CMC1: variants seen among roughly 807,000 people sequenced by gnomAD.
The protein encoded by CMC1 is COX assembly mitochondrial protein homolog.
A neutral mutation model predicts 14.1 loss-of-function variants in CMC1; 14 were observed. That is an observed-to-expected ratio of 0.99 (90% CI 0.66 to 1.55). The LOEUF (loss-of-function observed/expected upper bound fraction) is 1.55. CMC1 is among the 40% of genes most tolerant of loss of function. The pLI, the probability that CMC1 is intolerant of heterozygous loss-of-function variation, is 0.00. For missense variants in CMC1, 127 were observed against 123.8 expected (o/e 1.03, Z -0.12); for synonymous variants, 50 against 38.4 (o/e 1.30, Z -1.12).
At chr3:28,261,539 G>A (rs4502545) in intron 1 of CMC1, among the ~76,000 whole-genome samples, 24,250 of 152,098 alleles carry the variant, frequency 0.16, 2,537 homozygotes, top group East Asian at 0.47. Context: ...TTTGTAGCTG[G>A]TGGGACTCTA....
intron 1 of CMC1, among the ~76,000 whole-genome samples, chr3:28,260,894 A>G (rs1399793594): frequency 6.6e-6 from 1 of 152,140 alleles, no homozygotes; most frequent in African/African-American, 2.4e-5. Context: ...ATATTTGGCG[A>G]TTATCCGGAG....
intron 2 of CMC1, among the ~76,000 whole-genome samples, chr3:28,271,349 C>T (rs1033067874): frequency 6.6e-6 from 1 of 152,138 alleles, no homozygotes; most frequent in Non-Finnish European, 1.5e-5. Flanking sequence ...ATCCACCCAC[C>T]TCAGCCTCCC....
At chr3:28,291,912 A>C in intron 2 of CMC1, 1 of 152,034 alleles carries the variant, frequency 6.6e-6, no homozygotes, top group Admixed American at 6.6e-5. Context: ...GAAAAATGGC[A>C]TACCCTGGTG....
intron 2 of CMC1, among the ~76,000 whole-genome samples, chr3:28,278,407 T>A (rs1241116598): frequency 3.3e-5 from 5 of 152,182 alleles, no homozygotes; most frequent in African/African-American, 4.8e-5. Context: ...ATCTCTCTTA[T>A]AAAGGGAAAC....
intron 1 of CMC1, among the ~76,000 whole-genome samples, chr3:28,255,720 CAT>C (rs1298575920): frequency 2.2e-5 from 3 of 133,574 alleles, no homozygotes; most frequent in Non-Finnish European, 3.1e-5. Context: ...TATACATGTA[CAT>C]ACACACACAC....
At chr3:28,249,491 G>A (rs1699014601) in intron 1 of CMC1, among the ~76,000 whole-genome samples, 2 of 152,190 alleles carry the variant, frequency 1.3e-5, no homozygotes, top group African/African-American at 4.8e-5. Flanking sequence ...TGAGTTAGAC[G>A]TGGTCTCTGA....
intron 2 of CMC1, among the ~76,000 whole-genome samples, chr3:28,294,693 TA>T (rs1336445903): frequency 6.6e-6 from 1 of 152,110 alleles, no homozygotes. Context: ...TTTTATGAAT[TA>T]AAAAAATCTT....
chr3:28,245,602 C>T (rs909008049), intron 1 of CMC1, among the ~76,000 whole-genome samples: 56 of 151,874 alleles, frequency 3.7e-4, no homozygotes, highest in Non-Finnish European at 1.6e-4. Flanking sequence ...TGTTTTTTTC[C>T]GGGAACTTAA....
In CMC1 at chr3:28,324,406, T is replaced by G; in HGVS notation, c.*4777T>G. On this transcript the variant is annotated 3_prime_UTR_variant, in exon 4 of 4. Coordinates refer to ENST00000466830, the MANE Select transcript of CMC1 (RefSeq NM_182523.2). ...TGCAGTAAAATTCATCAAGTGCAGT[T>G]TTGTGCTGTCTCTTCCAAGGTCTTC... 1 of 1,545,358 alleles carries G rather than the reference T, an allele frequency of 6.5e-7. No homozygotes were observed. Among genetic ancestry groups the G allele is most frequent in the Non-Finnish European group, 8.7e-7 (1 of 1,145,166 alleles).
At chr3:28,271,744 A>G (rs112564049) in intron 2 of CMC1, among the ~76,000 whole-genome samples, 39 of 152,222 alleles carry the variant, frequency 2.6e-4, no homozygotes, top group African/African-American at 8.4e-4. Context: ...AATTTTTCCA[A>G]TTCCGAATTC....
At chr3:28,317,806 A>G (rs2125617185) in intron 3 of CMC1, 1 of 152,190 alleles carries the variant, frequency 6.6e-6, no homozygotes, top group Non-Finnish European at 1.5e-5. Flanking sequence ...CACATTTACC[A>G]TGATAGGTAT....
chr3:28,308,643 G>T (rs1339673087), intron 2 of CMC1, among the ~76,000 whole-genome samples: 4 of 152,154 alleles, frequency 2.6e-5, no homozygotes, highest in African/African-American at 9.7e-5. Flanking sequence ...CTCTAAGAAA[G>T]AATAAAGTCT....
At chr3:28,300,923 G>A (rs1219148747) in intron 2 of CMC1, among the ~76,000 whole-genome samples, 2 of 75,468 alleles carry the variant, frequency 2.7e-5, no homozygotes, top group African/African-American at 5.7e-5. Context: ...ATACCCCCCC[G>A]ACGTGTACAC....
chr3:28,242,695 T>A (rs1559393137), intron 1 of CMC1, among the ~76,000 whole-genome samples: 1 of 152,198 alleles, frequency 6.6e-6, no homozygotes, highest in Non-Finnish European at 1.5e-5. Flanking sequence ...AGCTCCATTT[T>A]ACAGATTAGG....
chr3:28,268,489 G>A (rs1700117555), intron 2 of CMC1, among the ~76,000 whole-genome samples: 1 of 152,072 alleles, frequency 6.6e-6, no homozygotes, highest in Non-Finnish European at 1.5e-5. Flanking sequence ...TAAAACATTT[G>A]GGAACCCTCT....
chr3:28,304,149 G>C (rs569569512), intron 2 of CMC1, among the ~76,000 whole-genome samples: 1 of 152,060 alleles, frequency 6.6e-6, no homozygotes, highest in South Asian at 2.1e-4. Context: ...TTATGCAGTC[G>C]CATTAGCCAC....
In CMC1 at chr3:28,324,350, T is replaced by C; in HGVS notation, c.*4721T>C. Reference sequence around the variant, plus strand: ...GTGGTATGACAAAGAGCTTTGCCATTTGGTAAGAGAGGGGGATGTCTTGTG... The same window carrying C: ...GTGGTATGACAAAGAGCTTTGCCATCTGGTAAGAGAGGGGGATGTCTTGTG... On this transcript the variant is annotated 3_prime_UTR_variant, in exon 4 of 4. Coordinates refer to ENST00000466830, the MANE Select transcript of CMC1 (RefSeq NM_182523.2). 3 of 1,598,334 alleles carry C rather than the reference T, an allele frequency of 1.9e-6. No individual in the cohort carries two copies. The East Asian group carries it at 6.7e-5, about 36-fold the overall frequency.
At chr3:28,274,222 T>TTTTTTTTTTG (rs1343087605) in intron 2 of CMC1, among the ~76,000 whole-genome samples, 1 of 141,502 alleles carries the variant, frequency 7.1e-6, no homozygotes, top group African/African-American at 2.6e-5. Context: ...GTTTTTTTCT[T>TTTTTTTTTTG]TTTTTTTTTT....
intron 1 of CMC1, among the ~76,000 whole-genome samples, chr3:28,251,620 G>A (rs1179050973): frequency 6.6e-6 from 1 of 152,182 alleles, no homozygotes; most frequent in Non-Finnish European, 1.5e-5. Flanking sequence ...TGTGATTTGA[G>A]CAAAGGCTGA....
Sources: allele counts gnomAD v4.1 joint callset (sites outside exome capture counted in the v4.1 genomes callset), GRCh38; gene constraint gnomAD v4.1.1; transcripts MANE v1.5; gene names NCBI Gene and HGNC (gene_info 2026-07-23, HGNC 2026-07-21).